PTPRB: variants seen among roughly 807,000 people sequenced by gnomAD.
The protein encoded by PTPRB is protein tyrosine phosphatase receptor type B, also known as receptor-type tyrosine-protein phosphatase beta.
PTPRB carries 97 observed loss-of-function variants against 238.1 expected under a neutral mutation model. The observed-to-expected ratio is 0.41, with a 90% confidence interval of 0.35 to 0.48. The LOEUF is 0.48. Ranked by LOEUF, PTPRB falls within the 20% of genes least tolerant of loss-of-function variation. The pLI, the probability that PTPRB is intolerant of heterozygous loss-of-function variation, is 0.30. For synonymous variants in PTPRB, 970 were observed against 995.4 expected (o/e 0.97, Z 0.48); for missense variants, 2,292 against 2,681.9 (o/e 0.85, Z 3.21).
intron 29 of PTPRB, 94 bp downstream of exon 29, chr12:70,535,931 C>T (rs910168050): frequency 1.2e-4 from 171 of 1,484,360 alleles, no homozygotes; most frequent in Admixed American, 3.2e-4. Context: ...ATGATCCCTA[C>T]GTTGTTTTGC....
In PTPRB at chr12:70,534,838, A is replaced by G. The variant is rs767603222; in HGVS notation, c.6199T>C (p.Cys2067Arg). ...PEWTIREFKI[C>R]GEEQLDAHRL... The stretch of plus-strand genomic sequence containing the variant: ...AGTCAAGCAAGCTAACATACACCGC[A>G]TATCTTAAACTCCCGGATGGTCCAC... Residue 2067 changes from cysteine to arginine, a missense_variant, in exon 30 of 34, where the codon TGC becomes CGC. Physicochemically the swap from Cys to Arg is radical, Grantham distance 180 (BLOSUM62 -3). Coordinates refer to ENST00000334414, the MANE Select transcript of PTPRB (RefSeq NM_001109754.4). The G allele has an allele frequency of 1.2e-6, 2 of 1,613,720 alleles. No individual in the cohort carries two copies. The highest frequency in any genetic ancestry group is 1.7e-5 in the Admixed American group (1 of 59,982).
At chr12:70,530,735 G>GTAT (rs1371218981) in intron 32 of PTPRB, among the ~76,000 whole-genome samples, 2 of 152,066 alleles carry the variant, frequency 1.3e-5, no homozygotes, top group African/African-American at 4.8e-5. Flanking sequence ...CTAGTTTTGT[G>GTAT]TATTTTCTTT....
intron 4 of PTPRB, 116 bp downstream of exon 4, chr12:70,608,953 C>T: frequency 2.2e-6 from 3 of 1,339,814 alleles, no homozygotes; most frequent in Non-Finnish European, 3.1e-6. Context: ...TTTATCTTCA[C>T]AGGTATTTTT....
At chr12:70,606,936 A>G (rs1421950532) in intron 4 of PTPRB, among the ~76,000 whole-genome samples, 1 of 152,234 alleles carries the variant, frequency 6.6e-6, no homozygotes, top group Non-Finnish European at 1.5e-5. Context: ...CATGCTTCAC[A>G]TTTATCATGC....
intron 7 of PTPRB, 146 bp downstream of exon 7, chr12:70,592,136 G>T: frequency 1.9e-6 from 2 of 1,074,944 alleles, no homozygotes; most frequent in Non-Finnish European, 2.7e-6. Context: ...CAGAAGAATG[G>T]GCCATACTAC....
intron 4 of PTPRB, among the ~76,000 whole-genome samples, chr12:70,602,707 T>G (rs1883615349): frequency 6.6e-6 from 1 of 152,184 alleles, no homozygotes; most frequent in East Asian, 1.9e-4. Context: ...GGCCATAAAT[T>G]GGTAATTATT....
At chr12:70,575,719 T>C (rs1880613140) in intron 11 of PTPRB, among the ~76,000 whole-genome samples, 1 of 152,252 alleles carries the variant, frequency 6.6e-6, no homozygotes, top group Admixed American at 6.5e-5. Context: ...ATCTCAGGTA[T>C]AAACCCCAGA....
In PTPRB at chr12:70,539,940, C is replaced by G. The variant is rs1385960765; in HGVS notation, c.5677G>C (p.Gly1893Arg). 8 of 1,607,538 alleles carry G rather than the reference C, an allele frequency of 5.0e-6. No individual in the cohort carries two copies. The highest frequency in any genetic ancestry group is 6.0e-6 in the Non-Finnish European group (7 of 1,174,030). The change falls in exon 24 of 34, where the codon GGT becomes CGT. Residue 1893 changes from glycine (G) to arginine (R), a missense_variant and splice_region_variant. By Grantham distance (125) the Gly-to-Arg change is moderately radical. Coordinates refer to ENST00000334414, the MANE Select transcript of PTPRB (RefSeq NM_001109754.4). ...TACGAAGGCAAATGTGGTGCTTACCCTTTCTGGCCCAGGTTTAAGTGGACA... is the reference window on the plus strand; with the variant it reads ...TACGAAGGCAAATGTGGTGCTTACCGTTTCTGGCCCAGGTTTAAGTGGACA... The part of the protein sequence containing the change: ...LSVHLNLGQK[G>R]NRKTSCPIKI...
rs1877129427 is a variant in PTPRB, at chr12:70,553,007, C to G, written c.5157G>C (p.Leu1719=). 6.2e-7 allele frequency: 1 copy of G among 1,613,572 alleles called. No individual in the cohort carries two copies. Among genetic ancestry groups the G allele is most frequent in the Admixed American group, 1.7e-5 (1 of 59,992 alleles). ...GGAGAGGGTGCTGCTGTTCTGGCTT[C>G]AGCTCATCACTGCCTGGAGGAGAAA... is the stretch of plus-strand genomic sequence containing the variant. ...VVREADGSDE[L]KPEQQHPLPS... Residue 1719 remains leucine (L), a synonymous_variant, in exon 21 of 34, where the codon CTG becomes CTC. Transcript: ENST00000334414.
At position 70,594,719 on chromosome 12, in the gene PTPRB, A is replaced by G. The variant is rs767094630; in HGVS notation, c.1264T>C (p.Ser422Pro). ...GAAATACCAATATCTTTCACTGGAGATGGCACTAGTGGGATAAAATGCATG... is the reference window on the plus strand; with the variant it reads ...GAAATACCAATATCTTTCACTGGAGGTGGCACTAGTGGGATAAAATGCATG... ...SVYTNGSTVP[S>P]PVKDIGISTK... The change falls in exon 6 of 34, where the codon TCT becomes CCT. Residue 422 changes from serine to proline, a missense_variant. Physicochemically the swap from Ser to Pro is moderately conservative, Grantham distance 74. Coordinates refer to ENST00000334414, the MANE Select transcript of PTPRB (RefSeq NM_001109754.4). 1.2e-6 allele frequency: 2 copies of G among 1,613,904 alleles called. No homozygotes were observed. Among genetic ancestry groups the G allele is most frequent in the Non-Finnish European group, 1.7e-6 (2 of 1,179,788 alleles).
Position 70,581,097 on chromosome 12 carries a change from C to A in PTPRB, c.2517G>T (p.Val839=), listed in dbSNP as rs767015316. 6.2e-7 allele frequency: 1 copy of A among 1,614,020 alleles called. No individual in the cohort carries two copies. The highest frequency in any genetic ancestry group is 1.7e-5 in the Admixed American group (1 of 60,008). The change falls in exon 10 of 34, where the codon GTG becomes GTT. Residue 839 remains valine, a synonymous_variant. Coordinates refer to ENST00000334414, the MANE Select transcript of PTPRB (RefSeq NM_001109754.4). ...TCCCTCCACTCACTGTTGTTACCAC[C>A]ACGGAGTACAGGCTGCCGGACTTGA... ...HSLKSGSLYS[V]VVTTVSGGIS... is the part of the protein sequence containing the mutation.
At chr12:70,630,923 A>C (rs1269719064) in intron 2 of PTPRB, among the ~76,000 whole-genome samples, 1 of 152,192 alleles carries the variant, frequency 6.6e-6, no homozygotes, top group African/African-American at 2.4e-5. Context: ...TCAACGAAAT[A>C]AAAGAGGACA....
intron 10 of PTPRB, among the ~76,000 whole-genome samples, chr12:70,576,963 A>C (rs1481587847): frequency 6.6e-6 from 1 of 152,194 alleles, no homozygotes; most frequent in Non-Finnish European, 1.5e-5. Flanking sequence ...AGACATCCTT[A>C]TACAATGTTT....
Position 70,534,974 on chromosome 12 carries a change from A to T in PTPRB, c.6082-19T>A. 1.3e-6 allele frequency: 2 copies of T among 1,599,656 alleles called. No individual in the cohort carries two copies. The highest frequency in any genetic ancestry group is 1.7e-6 in the Non-Finnish European group (2 of 1,171,716). ...ACTTTACCTAGAACAGGACAGACAG[A>T]AAAAACATGAGTCCGGAAAAGTGAC... On this transcript the variant is annotated intron_variant, in intron 29 of 33. Transcript: ENST00000334414.
chr12:70,591,863 C>T (rs1882520176), intron 7 of PTPRB: 1 of 171,834 alleles, frequency 5.8e-6, no homozygotes, highest in South Asian at 1.4e-4. Flanking sequence ...AGTAGCATGT[C>T]TTAGTCGTTT....
intron 4 of PTPRB, among the ~76,000 whole-genome samples, chr12:70,597,041 C>T (rs148412612): frequency 6.6e-6 from 1 of 152,116 alleles, no homozygotes; most frequent in South Asian, 2.1e-4. Context: ...CCTCAGTTTC[C>T]CGAGTAGCTG....
At chr12:70,633,668 G>A (rs950934735) in intron 2 of PTPRB, among the ~76,000 whole-genome samples, 2 of 151,996 alleles carry the variant, frequency 1.3e-5, no homozygotes, top group Non-Finnish European at 2.9e-5. Flanking sequence ...CATATTATCA[G>A]GCATTTTTTG....
Position 70,526,754 on chromosome 12 carries a change from A to ATAAT in PTPRB, c.6505-2167_6505-2164dup, listed in dbSNP as rs1872502690. 2.0e-5 allele frequency among the ~76,000 whole-genome samples: 3 copies of ATAAT among 152,338 alleles called. No individual in the cohort carries two copies. The East Asian group carries it at 5.8e-4, about 29-fold the overall frequency. ...CTCCCTGTTTCCTCCCACCCAAAGC[A>ATAAT]TAATTCATCTTTTCAGTTCTACTGG... is the stretch of plus-strand genomic sequence containing the variant. On this transcript the variant is annotated intron_variant, in intron 32 of 33. Transcript: ENST00000334414.
chr12:70,532,039 G>A lies in PTPRB; in HGVS notation c.6500C>T (p.Thr2167Ile), dbSNP rs1213336217. 9 of 1,613,860 alleles carry A rather than the reference G, an allele frequency of 5.6e-6. No individual in the cohort carries two copies. Among genetic ancestry groups the A allele is most frequent in the Non-Finnish European group, 6.8e-6 (8 of 1,179,860 alleles). The part of the protein sequence containing the change: ...LRLHRVHMVQ[T>I]ECQYVYLHQC... ...CTTTCAGTCTATAACTCTTACCTCA[G>A]TCTGGACCATGTGAACCCTGTGAAG... The change falls in exon 32 of 34, where the codon ACT (threonine) becomes ATT (isoleucine). Residue 2167 changes from threonine to isoleucine, a missense_variant. Physicochemically the swap from Thr to Ile is moderately conservative, Grantham distance 89. Transcript: ENST00000334414.
Sources: gnomAD v4.1 joint callset for allele counts (sites outside exome capture counted in the v4.1 genomes callset) on GRCh38, gnomAD v4.1.1 for gene constraint, MANE v1.5 for transcripts, NCBI Gene and HGNC (gene_info 2026-07-23, HGNC 2026-07-21) for gene names.